PCM1: variants seen among roughly 807,000 people sequenced by gnomAD.
PCM1 encodes the protein pericentriolar material 1.
Under a neutral mutation model 241.9 loss-of-function variants are expected in PCM1, and 157 were observed. The observed-to-expected ratio is 0.65, with a 90% CI of 0.57 to 0.74. The LOEUF is 0.74. Ranked by LOEUF, PCM1 falls within the 30% of genes least tolerant of loss-of-function variation. The pLI is 0.00. For missense variants in PCM1, 3,478 were observed against 2,360.1 expected (o/e 1.47, Z -9.81); for synonymous variants, 1,085 against 784.9 (o/e 1.38, Z -6.39).
At chr8:17,979,496 C>G (rs1252216676) in intron 23 of PCM1, among the ~76,000 whole-genome samples, 1 of 152,004 alleles carries the variant, frequency 6.6e-6, no homozygotes, top group Admixed American at 6.6e-5. Context: ...TTGTAATATC[C>G]AGTAGCATGA....
At chr8:17,959,081 CT>C (rs2070303627) in intron 13 of PCM1, among the ~76,000 whole-genome samples, 1 of 151,990 alleles carries the variant, frequency 6.6e-6, no homozygotes, top group Non-Finnish European at 1.5e-5. Context: ...GTTGCTAGGC[CT>C]TTTCTCTGCA....
chr8:17,962,900 C>T (rs2073132000), intron 16 of PCM1: 6 of 448,912 alleles, frequency 1.3e-5, no homozygotes, highest in South Asian at 2.8e-5. Context: ...GAGACTCTGT[C>T]TCAAAAAAAA....
At chr8:17,990,912 G>T (rs1254759298) in intron 27 of PCM1, among the ~76,000 whole-genome samples, 1 of 151,998 alleles carries the variant, frequency 6.6e-6, no homozygotes. Flanking sequence ...TGCTTATTTG[G>T]GTCTGCATTG....
Position 17,993,479 on chromosome 8 carries a change from T to C in PCM1, c.4691-4T>C, listed in dbSNP as rs2085514981. Reference sequence around the variant, plus strand: ...GGCTAATGTATTTTCTTTTTAAAAATTAGAAACTCCCGTTATTGAAAATCG... The same window carrying C: ...GGCTAATGTATTTTCTTTTTAAAAACTAGAAACTCCCGTTATTGAAAATCG... On this transcript the variant is annotated splice_polypyrimidine_tract_variant and splice_region_variant and intron_variant, in intron 28 of 38. Transcript: ENST00000325083. 6.5e-7 allele frequency: 1 copy of C among 1,547,286 alleles called. No individual in the cohort carries two copies. The highest frequency in any genetic ancestry group is 1.4e-5 in the African/African-American group (1 of 72,500).
rs145280319 is a variant in PCM1 at position 17,951,864 on chromosome 8, G to A, written c.1072-1106G>A. On this transcript the variant is annotated intron_variant, in intron 8 of 38. Coordinates refer to ENST00000325083, the MANE Select transcript of PCM1 (RefSeq NM_006197.4). ...TCTTAAAATTTGACTAAGCATAATG[G>A]GAGATATTCATTATATGATTTCCTA... is the stretch of plus-strand genomic sequence containing the variant. 5.3e-3 allele frequency among the ~76,000 whole-genome samples: 813 copies of A among 152,156 alleles called. 7 individuals are homozygous for A. The highest frequency in any genetic ancestry group is 0.018 in the African/African-American group (759 of 41,494).
chr8:17,952,607 A>G (rs991795610), intron 8 of PCM1, among the ~76,000 whole-genome samples: 12 of 152,206 alleles, frequency 7.9e-5, no homozygotes, highest in South Asian at 2.1e-4. Context: ...CATAGTGTTT[A>G]TATTGTATTA....
intron 26 of PCM1, 63 bp downstream of exon 26, chr8:17,986,150 ATAGAT>A: frequency 8.6e-7 from 1 of 1,167,962 alleles, no homozygotes; most frequent in Non-Finnish European, 1.2e-6. Context: ...TAAAAGTTAA[ATAGAT>A]TATTGTCAAA....
At chr8:17,968,747 T>TGG (rs2075827249) in intron 21 of PCM1, among the ~76,000 whole-genome samples, 1 of 121,954 alleles carries the variant, frequency 8.2e-6, no homozygotes, top group Non-Finnish European at 1.9e-5. Flanking sequence ...TGTGTGTGTG[T>TGG]GTGTGTGTGT....
intron 31 of PCM1, 22 bp from the exon 32 acceptor site, chr8:18,010,587 G>T: frequency 1.3e-6 from 2 of 1,558,456 alleles, no homozygotes; most frequent in Non-Finnish European, 1.7e-6. Flanking sequence ...GCTAAATTCT[G>T]TGTAATTGAT....
rs556539007 is a variant in PCM1 at position 17,960,011 on chromosome 8, C to T, written c.2041-3C>T. 6 of 1,611,474 alleles carry T rather than the reference C, an allele frequency of 3.7e-6. No homozygotes were observed. Among genetic ancestry groups the T allele is most frequent in the Middle Eastern group, 1.6e-4 (1 of 6,068 alleles). ...TTGTTTTAATGTAATGATGCTCTTT[C>T]AGGATGATGATGCAGCTCAAGGAGT... On this transcript the variant is annotated splice_region_variant and splice_polypyrimidine_tract_variant and intron_variant, in intron 13 of 38. Transcript: ENST00000325083.
chr8:17,952,073 ATG>A (rs2066235143), intron 8 of PCM1, among the ~76,000 whole-genome samples: 1 of 152,004 alleles, frequency 6.6e-6, no homozygotes, highest in African/African-American at 2.4e-5. Flanking sequence ...AAATGCAAAA[ATG>A]AGCCAGGTGT....
At chr8:18,018,850 G>T (rs964661546) in intron 36 of PCM1, among the ~76,000 whole-genome samples, 1 of 39,374 alleles carries the variant, frequency 2.5e-5, no homozygotes. Context: ...GTGTGTGTGT[G>T]TGTATATATA....
intron 3 of PCM1, among the ~76,000 whole-genome samples, chr8:17,936,929 C>T (rs1253241480): frequency 1.3e-5 from 2 of 152,024 alleles, no homozygotes; most frequent in Non-Finnish European, 2.9e-5. Flanking sequence ...AATCTCTTTT[C>T]AGAAGGATGG....
intron 2 of PCM1, chr8:17,925,102 C>G (rs538714269): frequency 1.3e-5 from 2 of 152,322 alleles, no homozygotes; most frequent in African/African-American, 4.8e-5. Context: ...CCTCTCTTTC[C>G]AAATCCATTT....
chr8:17,972,353 G>A lies in PCM1; in HGVS notation c.3609G>A (p.Glu1203=). 1 of 1,522,698 alleles carries A rather than the reference G, an allele frequency of 6.6e-7. No individual in the cohort carries two copies. Among genetic ancestry groups the A allele is most frequent in the East Asian group, 2.3e-5 (1 of 43,868 alleles). 94.3% of individuals were successfully genotyped at this position (1,522,698 alleles called of 1,614,324 possible). The part of the protein sequence containing the change: ...KPRNKKLPEE[E]VESSRTPWLY... ...GGAATAAAAAACTGCCTGAAGAGGA[G>A]GTGGAAAGCAGTAGGACACCATGGT... Residue 1203 remains glutamate, a synonymous_variant, in exon 23 of 39, where the codon GAG becomes GAA. Coordinates refer to ENST00000325083, the MANE Select transcript of PCM1 (RefSeq NM_006197.4).
chr8:18,014,865 T>A, intron 36 of PCM1, 25 bp downstream of exon 36: 1 of 1,537,586 alleles, frequency 6.5e-7, no homozygotes, highest in Non-Finnish European at 8.8e-7. Context: ...CATTTCCAAA[T>A]ATTTTTACTT....
rs372932426 is a variant in PCM1 at position 17,950,653 on chromosome 8, A to G, written c.1000A>G (p.Ile334Val). ...ETAGSLSGVS[I>V]TSELNEELND... ...TGCAGGTAGCTTATCTGGCGTCAGTATCACATCTGAACTAAATGAAGAATT... is the reference window on the plus strand; with the variant it reads ...TGCAGGTAGCTTATCTGGCGTCAGTGTCACATCTGAACTAAATGAAGAATT... The change falls in exon 8 of 39, where the codon ATC becomes GTC. Residue 334 changes from isoleucine to valine, a missense_variant. Transcript: ENST00000325083. 1 of 1,606,108 alleles carries G rather than the reference A, an allele frequency of 6.2e-7. No homozygotes were observed. Among genetic ancestry groups the G allele is most frequent in the Non-Finnish European group, 8.5e-7 (1 of 1,175,420 alleles).
chr8:17,972,888 T>A (rs146153711), intron 23 of PCM1, among the ~76,000 whole-genome samples: 82 of 152,302 alleles, frequency 5.4e-4, no homozygotes, highest in African/African-American at 1.8e-3. Context: ...ATTTTCTGGA[T>A]TAATGTTGTA....
chr8:17,948,823 T>A (rs2064894791), intron 7 of PCM1, among the ~76,000 whole-genome samples: 2 of 152,236 alleles, frequency 1.3e-5, no homozygotes, highest in African/African-American at 4.8e-5. Context: ...TTTTTCGAGT[T>A]TGGAATATCA....
Sources: allele counts gnomAD v4.1 joint callset (sites outside exome capture counted in the v4.1 genomes callset), GRCh38; gene constraint gnomAD v4.1.1; transcripts MANE v1.5; gene names NCBI Gene and HGNC (gene_info 2026-07-23, HGNC 2026-07-21).